Variants in ORC5 observed in about 807,000 individuals in gnomAD.
The protein encoded by ORC5 is origin recognition complex subunit 5.
ORC5 carries 39 observed loss-of-function variants against 58.8 expected under a neutral mutation model. The ratio of observed to expected loss-of-function variants is 0.66; its 90% CI spans 0.51 to 0.87. The LOEUF (loss-of-function observed/expected upper bound fraction) is 0.87. Among genes scored for constraint, ORC5 ranks in the 40% least tolerant of loss-of-function variants. The pLI, the probability that ORC5 is intolerant of heterozygous loss-of-function variation, is 0.00. For missense variants in ORC5, 493 were observed against 506.3 expected (o/e 0.97, Z 0.25); for synonymous variants, 218 against 177.6 (o/e 1.23, Z -1.81).
Position 104,166,660 on chromosome 7 carries a change from T to C in ORC5, c.990+112A>G, listed in dbSNP as rs1374891635. On this transcript the variant is annotated intron_variant, in intron 10 of 13. Transcript: ENST00000297431. ...TTAAAGAATGAGTCCTAAATACATA[T>C]TTGGCAATCTTATTCTAATCTCTTC... The C allele has an allele frequency of 1.6e-4, 99 of 629,610 alleles. 1 individual carries two copies. In the Admixed American group the frequency reaches 2.8e-3, roughly 18 times the overall value. The allele number at this position is 629,610 out of a possible 1,614,324, so 39.0% of individuals were successfully genotyped here. A position where few individuals can be genotyped will look rare whatever the true frequency, so the allele number is the denominator to read the frequency against.
chr7:104,207,316 A>C (rs951000523), intron 1 of ORC5, among the ~76,000 whole-genome samples: 23 of 152,312 alleles, frequency 1.5e-4, no homozygotes, highest in Admixed American at 1.1e-3. Context: ...TCAGTTAAGG[A>C]GAAAAGTTTA....
intron 12 of ORC5, among the ~76,000 whole-genome samples, chr7:104,151,335 T>C (rs1798843439): frequency 6.6e-6 from 1 of 152,104 alleles, no homozygotes; most frequent in African/African-American, 2.4e-5. Context: ...TGCAACTGCC[T>C]AATAAGGAAG....
At chr7:104,204,840 C>A (rs529644305) in intron 1 of ORC5, among the ~76,000 whole-genome samples, 44 of 152,270 alleles carry the variant, frequency 2.9e-4, no homozygotes, top group Non-Finnish European at 6.0e-4. Context: ...GATCCTCTTG[C>A]AGTACATTAG....
intron 12 of ORC5, among the ~76,000 whole-genome samples, chr7:104,156,116 T>C (rs1179315127): frequency 2.0e-5 from 3 of 151,638 alleles, no homozygotes; most frequent in Non-Finnish European, 3.0e-5. Context: ...GAATTAATGC[T>C]TTGTCACCCA....
chr7:104,193,856 C>T (rs1375834825), intron 5 of ORC5, among the ~76,000 whole-genome samples: 1 of 151,650 alleles, frequency 6.6e-6, no homozygotes, highest in African/African-American at 2.4e-5. Context: ...ATTTTATTTA[C>T]TTTTGTCCTC....
chr7:104,207,766 T>C (rs562678857), intron 1 of ORC5, 67 bp downstream of exon 1: 3 of 1,476,066 alleles, frequency 2.0e-6, no homozygotes, highest in Non-Finnish European at 2.8e-6. Context: ...AAACAAATAT[T>C]GGAACAGGTC....
chr7:104,163,304 T>A (rs1355875620), intron 11 of ORC5, among the ~76,000 whole-genome samples: 3 of 152,062 alleles, frequency 2.0e-5, no homozygotes, highest in Non-Finnish European at 4.4e-5. Flanking sequence ...TGAATAGAAG[T>A]GATGTAAACT....
chr7:104,161,844 T>C (rs2115853275), intron 11 of ORC5, among the ~76,000 whole-genome samples: 1 of 152,296 alleles, frequency 6.6e-6, no homozygotes, highest in East Asian at 1.9e-4. Context: ...AAATCCAAGA[T>C]AATAACCAAA....
rs144698323 is a variant in ORC5, at chr7:104,183,997, A to G, written c.770T>C (p.Ile257Thr). The change falls in exon 8 of 14, where the codon ATT (isoleucine) becomes ACT (threonine). Residue 257 changes from isoleucine (I) to threonine (T), a missense_variant. This residue lies in a region of ORC5 where 412 missense variants were observed against 403.7 expected (regional missense o/e 1.02). Transcript: ENST00000297431. ...CATAGCTTTCTTCAAATGAGGTTCA[A>G]TATTTCTCCACAGTTTGCGAGTATC... ...ERDTRKLWRNIEPHLKKAMQT... is the reference protein window; with the variant it reads ...ERDTRKLWRNTEPHLKKAMQT... The G allele has an allele frequency of 3.7e-5, 60 of 1,613,670 alleles. No individual in the cohort carries two copies. Among genetic ancestry groups the G allele is most frequent in the Non-Finnish European group, 4.6e-5 (54 of 1,179,874 alleles).
At chr7:104,130,216 G>A (rs981063719) in intron 13 of ORC5, among the ~76,000 whole-genome samples, 1 of 152,050 alleles carries the variant, frequency 6.6e-6, no homozygotes, top group African/African-American at 2.4e-5. Context: ...AATTTAGTAA[G>A]CTTTTCAGTC....
intron 3 of ORC5, among the ~76,000 whole-genome samples, chr7:104,198,945 C>G (rs902111918): frequency 4.6e-5 from 7 of 152,248 alleles, no homozygotes; most frequent in African/African-American, 1.7e-4. Flanking sequence ...ATAGCTCAGG[C>G]TGTTGCTTCA....
At chr7:104,148,271 GAATCCAAA>G (rs1798792253) in intron 12 of ORC5, among the ~76,000 whole-genome samples, 1 of 152,156 alleles carries the variant, frequency 6.6e-6, no homozygotes, top group South Asian at 2.1e-4. Context: ...AATACTATCT[GAATCCAAA>G]GCCCATATTC....
chr7:104,151,357 A>G (rs1798843945), intron 12 of ORC5, among the ~76,000 whole-genome samples: 1 of 152,196 alleles, frequency 6.6e-6, no homozygotes, highest in South Asian at 2.1e-4. Flanking sequence ...TACTGATTTA[A>G]GGTAATGTCA....
chr7:104,145,409 T>G (rs1384442868), intron 12 of ORC5, among the ~76,000 whole-genome samples: 1 of 152,132 alleles, frequency 6.6e-6, no homozygotes, highest in Non-Finnish European at 1.5e-5. Context: ...ATTAATGACT[T>G]AGAAGGATTT....
chr7:104,201,741 CA>C (rs35974195), intron 2 of ORC5, among the ~76,000 whole-genome samples: 16,715 of 147,296 alleles, frequency 0.11, 1,594 homozygotes, highest in African/African-American at 0.27. Context: ...TTTACTAAGT[CA>C]AAAAAAAAAA....
At position 104,126,356 on chromosome 7, in the gene ORC5, A is replaced by T. The variant is rs1438602321; in HGVS notation, c.*492T>A. Reference sequence around the variant, plus strand: ...ACACACAAGCTTGGATTTTAAAAAGAACTTGTATTTATTATATTTTGCAAC... The same window carrying T: ...ACACACAAGCTTGGATTTTAAAAAGTACTTGTATTTATTATATTTTGCAAC... On this transcript the variant is annotated 3_prime_UTR_variant, in exon 14 of 14. Transcript: ENST00000297431. 6.5e-6 allele frequency: 1 copy of T among 152,756 alleles called. No individual in the cohort carries two copies. The highest frequency in any genetic ancestry group is 1.5e-5 in the Non-Finnish European group (1 of 68,132). 9.5% of individuals were successfully genotyped at this position (152,756 alleles called of 1,614,324 possible). A position where few individuals can be genotyped will look rare whatever the true frequency, so the allele number is the denominator to read the frequency against.
intron 12 of ORC5, among the ~76,000 whole-genome samples, chr7:104,151,059 T>C (rs1359622922): frequency 2.6e-5 from 4 of 152,074 alleles, no homozygotes; most frequent in African/African-American, 9.7e-5. Context: ...ACATTTAAAA[T>C]TAGTGTGTTT....
At chr7:104,139,024 C>A (rs569212180) in intron 12 of ORC5, among the ~76,000 whole-genome samples, 1 of 152,126 alleles carries the variant, frequency 6.6e-6, no homozygotes, top group Non-Finnish European at 1.5e-5. Flanking sequence ...CTCCTAATTT[C>A]TTATTTTTGT....
intron 5 of ORC5, among the ~76,000 whole-genome samples, chr7:104,189,686 C>G (rs1799630331): frequency 6.6e-6 from 1 of 152,144 alleles, no homozygotes; most frequent in South Asian, 2.1e-4. Flanking sequence ...GTAGCACACT[C>G]CAGCCCCACA....
Sources: allele counts gnomAD v4.1 joint callset (sites outside exome capture counted in the v4.1 genomes callset), GRCh38; gene constraint gnomAD v4.1.1; regional missense constraint gnomAD v4.1.1; transcripts MANE v1.5; gene names NCBI Gene and HGNC (gene_info 2026-07-23, HGNC 2026-07-21).